The following KSR2 variants were observed in gnomAD, a reference collection of about 807,000 sequenced individuals.
The protein encoded by KSR2 is kinase suppressor of ras 2.
In KSR2, 25 loss-of-function variants were observed where a neutral mutation model predicts 107.8. The observed-to-expected ratio is 0.23, with a 90% CI of 0.17 to 0.32. KSR2 has a LOEUF of 0.32. KSR2 is among the 10% of genes least tolerant of loss of function. KSR2 has a pLI of 1.00. For synonymous variants in KSR2, 480 were observed against 507.0 expected, an observed-to-expected ratio of 0.95 and a Z score of 0.71; for missense variants, 887 against 1,268.9, an observed-to-expected ratio of 0.70 and a Z score of 4.57.
chr12:117,948,020 G>A (rs1896251868), intron 1 of KSR2, among the ~76,000 whole-genome samples: 1 of 151,978 alleles, frequency 6.6e-6, no homozygotes, highest in Non-Finnish European at 1.5e-5. Context: ...AATATAGACA[G>A]GCTGATCCTA....
chr12:117,958,979 G>T (rs1896590033), intron 1 of KSR2, among the ~76,000 whole-genome samples: 1 of 152,108 alleles, frequency 6.6e-6, no homozygotes, highest in Non-Finnish European at 1.5e-5. Flanking sequence ...AAAATAGCTA[G>T]AAGAGAATAA....
chr12:117,650,149 T>A (rs1883831462), intron 5 of KSR2, among the ~76,000 whole-genome samples: 1 of 152,168 alleles, frequency 6.6e-6, no homozygotes, highest in South Asian at 2.1e-4. Flanking sequence ...ACCCTTAAAC[T>A]GGTGGGCACA....
Position 117,803,204 on chromosome 12 carries a change from T to A in KSR2, c.473-41680A>T, listed in dbSNP as rs567365254. Among the ~76,000 whole-genome samples the A allele has an allele frequency of 9.8e-5, 15 of 152,324 alleles. No homozygotes were observed. The South Asian group carries it at 3.1e-3, about 32-fold the overall frequency. ...ATGAAAACAAAGAGAGAGGAGGACT[T>A]CAGCCTCTCCTTTATTAAGCAACAC... On this transcript the variant is annotated intron_variant, in intron 3 of 19. Transcript: ENST00000339824.
intron 14 of KSR2, among the ~76,000 whole-genome samples, chr12:117,506,153 T>G (rs1248678953): frequency 6.6e-6 from 1 of 152,230 alleles, no homozygotes; most frequent in African/African-American, 2.4e-5. Context: ...ACACAGATCT[T>G]GATCCTCTAC....
intron 4 of KSR2, among the ~76,000 whole-genome samples, chr12:117,731,355 C>T (rs1048730215): frequency 7.2e-6 from 1 of 139,202 alleles, no homozygotes; most frequent in Non-Finnish European, 1.6e-5. Flanking sequence ...CGCCCAGCAG[C>T]CGCCCTGTCT....
chr12:117,891,401 A>T (rs773838259), intron 1 of KSR2, among the ~76,000 whole-genome samples: 38 of 149,652 alleles, frequency 2.5e-4, no homozygotes, highest in Non-Finnish European at 4.4e-4. Context: ...GGACAACAAG[A>T]GCGAGACTCC....
At chr12:117,573,590 C>T (rs1879049728) in intron 7 of KSR2, among the ~76,000 whole-genome samples, 1 of 141,276 alleles carries the variant, frequency 7.1e-6, no homozygotes, top group African/African-American at 2.7e-5. Flanking sequence ...TGCAGTAGTG[C>T]AATGTTGGCT....
intron 3 of KSR2, among the ~76,000 whole-genome samples, chr12:117,808,736 G>A (rs1891092157): frequency 2.0e-5 from 3 of 151,820 alleles, no homozygotes; most frequent in Admixed American, 2.0e-4. Flanking sequence ...TGAATTCGTT[G>A]CCATCCTTCC....
rs1380106251 is a variant in KSR2, at chr12:117,455,001, G to GCAGAGA, written c.*12192_*12197dup. 1 of 145,208 alleles carries GCAGAGA rather than the reference G, an allele frequency of 6.9e-6. No individual in the cohort carries two copies. Among genetic ancestry groups the GCAGAGA allele is most frequent in the East Asian group, 2.1e-4 (1 of 4,870 alleles). The allele number at this position is 145,208 out of a possible 1,614,324, so 9.0% of individuals were successfully genotyped here. A position where few individuals can be genotyped will look rare whatever the true frequency, so the allele number is the denominator to read the frequency against. On this transcript the variant is annotated 3_prime_UTR_variant, in exon 20 of 20. Transcript: ENST00000339824. Reference sequence around the variant, plus strand: ...CACATCCTTCACTGTGTGGAGGCAGGCAGAGACAGAGACAGACACAGAGAC... The same window carrying GCAGAGA: ...CACATCCTTCACTGTGTGGAGGCAGGCAGAGACAGAGACAGAGACAGACACAGAGAC...
Position 117,968,939 on chromosome 12 carries a change from G to T in KSR2, c.-684C>A. ...CCGCCGCCGGGCTCCGGGGGTGACG[G>T]TTGCTGCAATCGCTCCTGCCTCGCT... On this transcript the variant is annotated 5_prime_UTR_variant, in exon 1 of 20. Coordinates refer to ENST00000339824, the MANE Select transcript of KSR2 (RefSeq NM_173598.6). 4.3e-6 allele frequency: 1 copy of T among 235,146 alleles called. No individual in the cohort carries two copies. The highest frequency in any genetic ancestry group is 8.6e-6 in the Non-Finnish European group (1 of 115,918). The allele number at this position is 235,146 out of a possible 1,614,324, so 14.6% of individuals were successfully genotyped here.
chr12:117,958,886 T>C (rs1185198093), intron 1 of KSR2, among the ~76,000 whole-genome samples: 3 of 106,612 alleles, frequency 2.8e-5, no homozygotes, highest in Non-Finnish European at 6.3e-5. Context: ...TAATACTTTT[T>C]ACAGATATAT....
intron 5 of KSR2, among the ~76,000 whole-genome samples, chr12:117,588,398 A>T (rs1880132092): frequency 6.6e-6 from 1 of 152,192 alleles, no homozygotes. Flanking sequence ...ATTCTTTGCG[A>T]TTTATCTGCT....
chr12:117,681,045 G>A (rs1015773917), intron 4 of KSR2, among the ~76,000 whole-genome samples: 2 of 152,196 alleles, frequency 1.3e-5, no homozygotes, highest in African/African-American at 4.8e-5. Context: ...CAAGGCAAGT[G>A]GATCCCTTGA....
chr12:117,873,683 A>G (rs187132049), intron 1 of KSR2, among the ~76,000 whole-genome samples: 27 of 152,014 alleles, frequency 1.8e-4, no homozygotes, highest in African/African-American at 6.5e-4. Flanking sequence ...CTGGTCTCGA[A>G]CTCCTGACCT....
intron 5 of KSR2, among the ~76,000 whole-genome samples, chr12:117,662,900 T>C (rs1250412374): frequency 6.6e-6 from 1 of 152,218 alleles, no homozygotes; most frequent in Admixed American, 6.5e-5. Flanking sequence ...CCAGGATGAA[T>C]GAGTCGCAGG....
intron 5 of KSR2, among the ~76,000 whole-genome samples, chr12:117,650,005 T>C (rs1565944019): frequency 6.6e-6 from 1 of 152,192 alleles, no homozygotes; most frequent in Admixed American, 6.5e-5. Context: ...CCAGCATTCA[T>C]TCTCTCTTTT....
At chr12:117,871,217 G>T (rs1893640350) in intron 1 of KSR2, among the ~76,000 whole-genome samples, 1 of 152,180 alleles carries the variant, frequency 6.6e-6, no homozygotes, top group Non-Finnish European at 1.5e-5. Flanking sequence ...CAAATAACTT[G>T]CCCAAGGTCA....
intron 1 of KSR2, among the ~76,000 whole-genome samples, chr12:117,923,671 G>T (rs952663461): frequency 1.3e-5 from 2 of 151,596 alleles, no homozygotes; most frequent in Non-Finnish European, 2.9e-5. Context: ...ATATATATGT[G>T]TGTGTGTGTG....
chr12:117,568,027 C>T (rs192506594), intron 7 of KSR2, among the ~76,000 whole-genome samples: 32 of 152,286 alleles, frequency 2.1e-4, no homozygotes, highest in African/African-American at 7.7e-4. Context: ...AACCACAATA[C>T]AAATGAGCAA....
Sources: allele counts gnomAD v4.1 joint callset (sites outside exome capture counted in the v4.1 genomes callset), GRCh38; gene constraint gnomAD v4.1.1; transcripts MANE v1.5; gene names NCBI Gene and HGNC (gene_info 2026-07-23, HGNC 2026-07-21).